The following TSC22D1 variants were observed in gnomAD, a reference collection of about 807,000 sequenced individuals.
TSC22D1 encodes the protein TSC22 domain family member 1, also known as TSC22 domain family protein 1.
Under a neutral mutation model 74.2 loss-of-function variants are expected in TSC22D1, and 9 were observed. That is an observed-to-expected ratio of 0.12 (90% confidence interval 0.07 to 0.21). TSC22D1 has a LOEUF of 0.21. TSC22D1 is among the 10% of genes least tolerant of loss of function. TSC22D1 has a pLI of 1.00. For synonymous variants in TSC22D1, 586 were observed against 492.5 expected, an observed-to-expected ratio of 1.19 and a Z score of -2.51; for missense variants, 1,427 against 1,304.7, an observed-to-expected ratio of 1.09 and a Z score of -1.44.
At chr13:44,508,217 T>C (rs189908089) in intron 1 of TSC22D1, among the ~76,000 whole-genome samples, 1 of 152,318 alleles carries the variant, frequency 6.6e-6, no homozygotes, top group Admixed American at 6.5e-5. Context: ...CTGAATTCAC[T>C]CAATCATTTA....
At chr13:44,435,045 G>A in intron 2 of TSC22D1, 162 bp from the exon 3 acceptor site, 2 of 644,156 alleles carry the variant, frequency 3.1e-6, no homozygotes, top group East Asian at 5.3e-5. Flanking sequence ...AAACATGACT[G>A]TACAATACTT....
intron 1 of TSC22D1, among the ~76,000 whole-genome samples, chr13:44,446,320 G>C (rs1875640045): frequency 6.6e-6 from 1 of 152,152 alleles, no homozygotes; most frequent in South Asian, 2.1e-4. Context: ...AAACTATAGA[G>C]ACAAAAACCA....
At chr13:44,470,443 T>A (rs1489698528) in intron 1 of TSC22D1, among the ~76,000 whole-genome samples, 1 of 152,218 alleles carries the variant, frequency 6.6e-6, no homozygotes, top group Non-Finnish European at 1.5e-5. Flanking sequence ...ACATCCTTTA[T>A]AATTATTATT....
chr13:44,574,676 C>T lies in TSC22D1; in HGVS notation c.1399G>A (p.Gly467Arg), dbSNP rs761180939. The change falls in exon 1 of 3, where the codon GGG (glycine) becomes AGG (arginine). Residue 467 changes from glycine (G) to arginine (R), a missense_variant. By Grantham distance (125) the Gly-to-Arg change is moderately radical. This residue lies in a region of TSC22D1 where 1,343 missense variants were observed against 1,191.5 expected (regional missense o/e 1.13). Coordinates refer to ENST00000458659, the MANE Select transcript of TSC22D1 (RefSeq NM_183422.4). ...CTGACACTACTGCTCACTGAACTCC[C>T]ACTAGTGCTCTCCCTTTCAGAAGTC... is the stretch of plus-strand genomic sequence containing the variant. ...EVTSERESTS[G>R]SSVSSSVSTL... 3 of 1,614,014 alleles carry T rather than the reference C, an allele frequency of 1.9e-6. No homozygotes were observed. Among genetic ancestry groups the T allele is most frequent in the East Asian group, 2.2e-5 (1 of 44,892 alleles).
chr13:44,476,803 A>T (rs746866146), intron 1 of TSC22D1, among the ~76,000 whole-genome samples: 2 of 152,116 alleles, frequency 1.3e-5, no homozygotes, highest in Non-Finnish European at 2.9e-5. Context: ...CAGCAGCCCA[A>T]GTAGCTGGGA....
rs753153504 is a variant in TSC22D1 at position 44,575,346 on chromosome 13, A to G, written c.729T>C (p.Ala243=). The G allele has an allele frequency of 6.2e-7, 1 of 1,614,210 alleles. No homozygotes were observed. Among genetic ancestry groups the G allele is most frequent in the South Asian group, 1.1e-5 (1 of 91,086 alleles). The part of the protein sequence containing the change: ...QHGHHHPSHV[A]VASASITGGP... ...CACCAGTAATGGATGCACTGGCCAC[A>G]GCAACATGAGATGGATGGTGGTGAC... Residue 243 remains alanine, a synonymous_variant, in exon 1 of 3, where the codon GCT becomes GCC. Coordinates refer to ENST00000458659, the MANE Select transcript of TSC22D1 (RefSeq NM_183422.4).
chr13:44,492,397 A>G (rs925114948), intron 1 of TSC22D1, among the ~76,000 whole-genome samples: 5 of 152,340 alleles, frequency 3.3e-5, no homozygotes, highest in African/African-American at 1.2e-4. Flanking sequence ...TCGCTTTTGC[A>G]CCATTGTAAA....
At chr13:44,570,635 T>TA (rs1566182159) in intron 1 of TSC22D1, among the ~76,000 whole-genome samples, 1 of 152,194 alleles carries the variant, frequency 6.6e-6, no homozygotes, top group African/African-American at 2.4e-5. Flanking sequence ...TCTAAAGTGT[T>TA]AAGAGTATTA....
intron 1 of TSC22D1, chr13:44,436,812 A>AAG: frequency 7.2e-7 from 1 of 1,386,028 alleles, no homozygotes; most frequent in Non-Finnish European, 9.3e-7. Context: ...CAGTGCCGTG[A>AAG]AGAGGCGCTT....
chr13:44,550,912 C>G (rs1882192638), intron 1 of TSC22D1, among the ~76,000 whole-genome samples: 1 of 151,584 alleles, frequency 6.6e-6, no homozygotes, highest in Non-Finnish European at 1.5e-5. Flanking sequence ...TGTACTCCAG[C>G]CTGGGTGACA....
intron 2 of TSC22D1, among the ~76,000 whole-genome samples, chr13:44,435,454 G>C (rs1475123903): frequency 6.6e-6 from 1 of 152,224 alleles, no homozygotes; most frequent in Non-Finnish European, 1.5e-5. Flanking sequence ...AGTGGGCAGA[G>C]AATCCCGTGA....
chr13:44,465,314 A>G (rs1257488633), intron 1 of TSC22D1, among the ~76,000 whole-genome samples: 1 of 152,230 alleles, frequency 6.6e-6, no homozygotes, highest in Non-Finnish European at 1.5e-5. Context: ...AGACTTTGCC[A>G]GGCTAAGAAA....
chr13:44,536,947 A>G (rs28588084), intron 1 of TSC22D1: 25 of 825,290 alleles, frequency 3.0e-5, no homozygotes, highest in Non-Finnish European at 3.3e-5. Context: ...AAAAAAAAAA[A>G]AAAAAAAAAA....
chr13:44,535,514 TC>T (rs1485191302), intron 1 of TSC22D1, among the ~76,000 whole-genome samples: 1 of 152,026 alleles, frequency 6.6e-6, no homozygotes, highest in East Asian at 1.9e-4. Flanking sequence ...TCAGAGTATT[TC>T]AATATGGCAA....
At chr13:44,560,889 G>A (rs1882994415) in intron 1 of TSC22D1, among the ~76,000 whole-genome samples, 1 of 152,080 alleles carries the variant, frequency 6.6e-6, no homozygotes, top group Admixed American at 6.5e-5. Context: ...CTACCTTCAT[G>A]TCAGGCTATA....
intron 1 of TSC22D1, among the ~76,000 whole-genome samples, chr13:44,569,723 A>G (rs1435342468): frequency 6.6e-6 from 1 of 152,204 alleles, no homozygotes; most frequent in Non-Finnish European, 1.5e-5. Context: ...GATACAAAAA[A>G]GCAAGTCTTT....
intron 1 of TSC22D1, among the ~76,000 whole-genome samples, chr13:44,500,069 CAA>C (rs1595120183): frequency 7.4e-6 from 1 of 135,112 alleles, no homozygotes; most frequent in African/African-American, 2.8e-5. Context: ...GCCTGGGTGA[CAA>C]GAGCGAAAGC....
chr13:44,489,604 T>C (rs549192176), intron 1 of TSC22D1, among the ~76,000 whole-genome samples: 58 of 152,054 alleles, frequency 3.8e-4, no homozygotes, highest in Non-Finnish European at 6.0e-4. Context: ...GGTGGGAGGA[T>C]TGTTTCAGGC....
At chr13:44,506,341 A>C (rs1291734697) in intron 1 of TSC22D1, among the ~76,000 whole-genome samples, 1 of 152,206 alleles carries the variant, frequency 6.6e-6, no homozygotes, top group Non-Finnish European at 1.5e-5. Context: ...AGGGTCATGG[A>C]TAGAGCTGGA....
Sources: allele counts gnomAD v4.1 joint callset (sites outside exome capture counted in the v4.1 genomes callset), GRCh38; gene constraint gnomAD v4.1.1; regional missense constraint gnomAD v4.1.1; transcripts MANE v1.5; gene names NCBI Gene and HGNC (gene_info 2026-07-23, HGNC 2026-07-21).